The following DYNC1I1 variants were observed in gnomAD, a reference collection of about 807,000 sequenced individuals.
DYNC1I1 encodes dynein cytoplasmic 1 intermediate chain 1, also known as cytoplasmic dynein 1 intermediate chain 1.
A neutral mutation model predicts 86.6 loss-of-function variants in DYNC1I1; 43 were observed. The ratio of observed to expected loss-of-function variants is 0.50; its 90% CI spans 0.39 to 0.64. The LOEUF (loss-of-function observed/expected upper bound fraction) is 0.64, where lower values mean the gene tolerates loss of function less well. Among genes scored for constraint, DYNC1I1 ranks in the 30% least tolerant of loss-of-function variants. The probability of loss-of-function intolerance (pLI) is 0.00; values close to 1 mark genes in which losing one functional copy is unlikely to be tolerated. For synonymous variants in DYNC1I1, 262 were observed against 283.7 expected (o/e 0.92, Z 0.77); for missense variants, 604 against 788.8 (o/e 0.77, Z 2.81).
intron 1 of DYNC1I1, among the ~76,000 whole-genome samples, chr7:95,793,486 C>T (rs759636961): frequency 4.0e-5 from 6 of 151,874 alleles, no homozygotes; most frequent in Admixed American, 6.6e-5. Flanking sequence ...ATGGAAGTTG[C>T]GGCCTATAGG....
At chr7:95,947,490 G>A (rs1430881072) in intron 6 of DYNC1I1, among the ~76,000 whole-genome samples, 1 of 152,128 alleles carries the variant, frequency 6.6e-6, no homozygotes, top group Non-Finnish European at 1.5e-5. Flanking sequence ...GCCACCATTG[G>A]TCTACCCAGA....
chr7:96,021,601 C>G (rs1794553041), intron 10 of DYNC1I1, among the ~76,000 whole-genome samples: 1 of 152,148 alleles, frequency 6.6e-6, no homozygotes, highest in Non-Finnish European at 1.5e-5. Context: ...GGACAATTAG[C>G]ATTGTCTAAT....
chr7:95,888,208 G>A (rs1013202621), intron 6 of DYNC1I1, among the ~76,000 whole-genome samples: 3 of 152,168 alleles, frequency 2.0e-5, no homozygotes, highest in African/African-American at 7.2e-5. Flanking sequence ...AGGCCAAGGT[G>A]GGCAGATTGC....
At chr7:96,024,105 CCAA>C (rs1223349543) in intron 10 of DYNC1I1, among the ~76,000 whole-genome samples, 1 of 152,108 alleles carries the variant, frequency 6.6e-6, no homozygotes, top group Non-Finnish European at 1.5e-5. Context: ...CCTGATTTGA[CCAA>C]CAATGTGGCC....
At chr7:95,832,035 G>A (rs1788920566) in intron 5 of DYNC1I1, among the ~76,000 whole-genome samples, 1 of 150,048 alleles carries the variant, frequency 6.7e-6, no homozygotes, top group Non-Finnish European at 1.5e-5. Context: ...AGTTACATAT[G>A]TATACATGTG....
intron 4 of DYNC1I1, among the ~76,000 whole-genome samples, chr7:95,824,352 C>G (rs942750190): frequency 6.6e-6 from 1 of 151,834 alleles, no homozygotes; most frequent in Non-Finnish European, 1.5e-5. Flanking sequence ...TTTTTTCAAC[C>G]CTCTGTTACA....
intron 5 of DYNC1I1, among the ~76,000 whole-genome samples, chr7:95,859,487 A>T (rs369688045): frequency 5.9e-5 from 9 of 152,102 alleles, no homozygotes; most frequent in African/African-American, 2.2e-4. Context: ...TTCCACATTC[A>T]TCTTACCCAG....
chr7:95,885,109 T>C (rs1584126334), intron 6 of DYNC1I1, among the ~76,000 whole-genome samples: 1 of 152,340 alleles, frequency 6.6e-6, no homozygotes, highest in African/African-American at 2.4e-5. Flanking sequence ...CTAGAAACCC[T>C]GTGTTTTCTC....
In DYNC1I1 at chr7:96,048,596, C is replaced by T. The variant is rs200039631; in HGVS notation, c.1509+9175C>T. Among the ~76,000 whole-genome samples, 79 of 152,202 alleles carry T rather than the reference C, an allele frequency of 5.2e-4. 2 individuals are homozygous for T. The East Asian group carries it at 0.013, about 26-fold the overall frequency. ...GTTGCTAAAATATAAAGAGCCATGCCCTAAACCACCGTAAAGTTCTATTTC... is the reference window on the plus strand; with the variant it reads ...GTTGCTAAAATATAAAGAGCCATGCTCTAAACCACCGTAAAGTTCTATTTC... On this transcript the variant is annotated intron_variant, in intron 14 of 16. Coordinates refer to ENST00000447467, the MANE Select transcript of DYNC1I1 (RefSeq NM_001135556.2).
intron 10 of DYNC1I1, among the ~76,000 whole-genome samples, chr7:96,018,800 T>G (rs2115895844): frequency 6.6e-6 from 1 of 152,330 alleles, no homozygotes; most frequent in South Asian, 2.1e-4. Flanking sequence ...TCAGTTGGGC[T>G]GGTTGTGAAA....
chr7:95,789,948 T>C (rs2115708671), intron 1 of DYNC1I1, among the ~76,000 whole-genome samples: 1 of 152,352 alleles, frequency 6.6e-6, no homozygotes, highest in Middle Eastern at 3.4e-3. Context: ...AATTCTAAGC[T>C]GTTACATCAC....
intron 6 of DYNC1I1, among the ~76,000 whole-genome samples, chr7:95,947,757 A>G (rs1584190180): frequency 6.6e-6 from 1 of 152,268 alleles, no homozygotes; most frequent in South Asian, 2.1e-4. Flanking sequence ...AAATAATGGG[A>G]GAAATTTAGG....
chr7:96,059,444 G>A (rs1179256549), intron 14 of DYNC1I1, among the ~76,000 whole-genome samples: 3 of 152,164 alleles, frequency 2.0e-5, no homozygotes, highest in Non-Finnish European at 4.4e-5. Context: ...TACATCAGGG[G>A]ACTCAAATTT....
chr7:95,865,822 G>A (rs576155133), intron 5 of DYNC1I1, among the ~76,000 whole-genome samples: 6 of 152,264 alleles, frequency 3.9e-5, no homozygotes, highest in East Asian at 1.9e-4. Context: ...CTAGGTTTGC[G>A]TAAGTGCGGT....
At chr7:95,866,623 G>A (rs935310362) in intron 5 of DYNC1I1, among the ~76,000 whole-genome samples, 3 of 152,168 alleles carry the variant, frequency 2.0e-5, no homozygotes, top group Non-Finnish European at 4.4e-5. Flanking sequence ...CTGGCATATT[G>A]TAAGTCCCTG....
chr7:96,002,189 A>G (rs1010440973), intron 10 of DYNC1I1, among the ~76,000 whole-genome samples: 1 of 152,020 alleles, frequency 6.6e-6, no homozygotes, highest in Non-Finnish European at 1.5e-5. Context: ...ACCATGCTTA[A>G]TTTTCCATCA....
At chr7:95,984,613 CT>C (rs887805099) in intron 7 of DYNC1I1, among the ~76,000 whole-genome samples, 1 of 152,018 alleles carries the variant, frequency 6.6e-6, no homozygotes, top group Non-Finnish European at 1.5e-5. Flanking sequence ...AATATGCAAT[CT>C]TTTTGTGGGG....
intron 5 of DYNC1I1, among the ~76,000 whole-genome samples, chr7:95,837,959 A>G (rs1799038): frequency 0.53 from 80,556 of 152,042 alleles, 22,155 homozygotes; most frequent in African/African-American, 0.69. Flanking sequence ...ACTGTAGACC[A>G]GAGCTGTTCC....
rs532727979 is a variant in DYNC1I1, at chr7:96,053,667, C to G, written c.1509+14246C>G. Among the ~76,000 whole-genome samples the G allele has an allele frequency of 3.3e-5, 5 of 152,240 alleles. No individual in the cohort carries two copies. In the South Asian group the frequency reaches 1.0e-3, roughly 32 times the overall value. ...CTCAGGAAAGTATGTGTAGGCATAT[C>G]TAGGTATATTTTAATATTTCTTTTA... On this transcript the variant is annotated intron_variant, in intron 14 of 16. Coordinates refer to ENST00000447467, the MANE Select transcript of DYNC1I1 (RefSeq NM_001135556.2).
Sources: allele counts gnomAD v4.1 joint callset (sites outside exome capture counted in the v4.1 genomes callset), GRCh38; gene constraint gnomAD v4.1.1; transcripts MANE v1.5; gene names NCBI Gene and HGNC (gene_info 2026-07-23, HGNC 2026-07-21).